Variants in KIF26B observed in about 807,000 individuals in gnomAD.
The protein encoded by KIF26B is kinesin-like protein KIF26B.
KIF26B carries 63 observed loss-of-function variants against 151.2 expected under a neutral mutation model. That is an observed-to-expected ratio of 0.42 (90% CI 0.34 to 0.51). The LOEUF (loss-of-function observed/expected upper bound fraction) is 0.51. KIF26B is among the 20% of genes least tolerant of loss of function. The pLI is 0.07. For synonymous variants in KIF26B, 1,357 were observed against 1,262.1 expected (o/e 1.08, Z -1.59); for missense variants, 2,813 against 2,913.6 (o/e 0.97, Z 0.79).
chr1:245,614,565 T>C (rs1030443921), intron 9 of KIF26B, among the ~76,000 whole-genome samples: 7 of 152,200 alleles, frequency 4.6e-5, no homozygotes, highest in African/African-American at 7.2e-5. Flanking sequence ...GGAGTTCCTC[T>C]AACTGGGGCT....
At chr1:245,541,033 A>C (rs765399323) in intron 5 of KIF26B, 83 bp downstream of exon 5, 13 of 1,112,160 alleles carry the variant, frequency 1.2e-5, no homozygotes, top group Admixed American at 2.7e-5. Context: ...TGAGGCCTCC[A>C]ATGTATTAAA....
chr1:245,577,438 G>T (rs2043129623), intron 5 of KIF26B, among the ~76,000 whole-genome samples: 1 of 152,214 alleles, frequency 6.6e-6, no homozygotes, highest in Non-Finnish European at 1.5e-5. Context: ...AGAGCTCAGA[G>T]AATTAGTCAA....
intron 4 of KIF26B, among the ~76,000 whole-genome samples, chr1:245,492,809 C>T (rs757622348): frequency 5.9e-5 from 9 of 151,892 alleles, no homozygotes; most frequent in Non-Finnish European, 1.0e-4. Context: ...GAGATGGAGT[C>T]TTGCTCTGTC....
chr1:245,391,431 A>G (rs190370049), intron 3 of KIF26B, among the ~76,000 whole-genome samples: 1 of 152,162 alleles, frequency 6.6e-6, no homozygotes, highest in Admixed American at 6.6e-5. Context: ...TTTTCTTTAG[A>G]TATCTCAACG....
rs537808243 is a variant in KIF26B, at chr1:245,530,271, G to C, written c.1167-10496G>C. On this transcript the variant is annotated intron_variant, in intron 4 of 14. Coordinates refer to ENST00000407071, the MANE Select transcript of KIF26B (RefSeq NM_018012.4). ...GTACAACCACTGTAGAGAACAGTTT[G>C]GAGCTTCCTCAAAAAACTAACAATT... Among the ~76,000 whole-genome samples, 19 of 152,278 alleles carry C rather than the reference G, an allele frequency of 1.2e-4. No individual in the cohort carries two copies. The South Asian group carries it at 3.7e-3, about 30-fold the overall frequency.
chr1:245,224,056 G>A lies in KIF26B; in HGVS notation c.465+67373G>A, dbSNP rs371293855. ...TCCCAGCACTTTGGGAGGCTGAGGC[G>A]GGTGGATCACCTGAGGTCGGGAGTT... On this transcript the variant is annotated intron_variant, in intron 2 of 14. Transcript: ENST00000407071. Among the ~76,000 whole-genome samples, 122 of 152,174 alleles carry A rather than the reference G, an allele frequency of 8.0e-4. 2 individuals carry two copies. The East Asian group carries it at 0.017, about 21-fold the overall frequency.
At chr1:245,412,515 C>T (rs594672) in intron 3 of KIF26B, among the ~76,000 whole-genome samples, 77,114 of 152,002 alleles carry the variant, frequency 0.51, 20,030 homozygotes, top group South Asian at 0.64. Context: ...CATGCTGACA[C>T]ACTCTGGTAG....
At position 245,707,582 on chromosome 1, in the gene KIF26B, CTG is replaced by C. The variant is rs2044858573; in HGVS notation, c.*4979_*4980del. ...CGAGGTGGAGATTTGCTGGATCTGT[CTG>C]TGGCTATTTTTTTCCATGTTTTTCT... On this transcript the variant is annotated 3_prime_UTR_variant, in exon 15 of 15. Coordinates refer to ENST00000407071, the MANE Select transcript of KIF26B (RefSeq NM_018012.4). 1 of 152,168 alleles carries C rather than the reference CTG, an allele frequency of 6.6e-6. No homozygotes were observed. Among genetic ancestry groups the C allele is most frequent in the Non-Finnish European group, 1.5e-5 (1 of 68,040 alleles). The allele number at this position is 152,168 out of a possible 1,614,324, so 9.4% of individuals were successfully genotyped here. A position where few individuals can be genotyped will look rare whatever the true frequency, so the allele number is the denominator to read the frequency against.
chr1:245,504,845 G>A (rs1193572859), intron 4 of KIF26B, among the ~76,000 whole-genome samples: 2 of 152,192 alleles, frequency 1.3e-5, no homozygotes, highest in East Asian at 3.8e-4. Context: ...AAAAGAAATG[G>A]TAAAATTTTA....
At chr1:245,409,509 T>C (rs1297799415) in intron 3 of KIF26B, among the ~76,000 whole-genome samples, 1 of 152,130 alleles carries the variant, frequency 6.6e-6, no homozygotes, top group Non-Finnish European at 1.5e-5. Flanking sequence ...GGTAGGGCTA[T>C]AAATTGAGGG....
intron 2 of KIF26B, among the ~76,000 whole-genome samples, chr1:245,284,162 AGTC>A (rs1300784113): frequency 3.9e-5 from 6 of 152,214 alleles, no homozygotes; most frequent in Non-Finnish European, 8.8e-5. Flanking sequence ...TGTATTGCTT[AGTC>A]GTGCTTCCTT....
chr1:245,263,774 G>T (rs755765639), intron 2 of KIF26B, among the ~76,000 whole-genome samples: 3 of 152,228 alleles, frequency 2.0e-5, no homozygotes, highest in Non-Finnish European at 4.4e-5. Context: ...CAGTGTGGCT[G>T]ATTCCAAAAA....
intron 2 of KIF26B, among the ~76,000 whole-genome samples, chr1:245,203,255 A>AACAAAAAAAG (rs529785179): frequency 7.7e-6 from 1 of 129,746 alleles, no homozygotes; most frequent in South Asian, 2.4e-4. Context: ...TCAAAAAAAA[A>AACAAAAAAAG]AAAAGAAAAT....
intron 3 of KIF26B, among the ~76,000 whole-genome samples, chr1:245,413,037 A>G (rs1674324668): frequency 6.6e-6 from 1 of 152,138 alleles, no homozygotes; most frequent in Non-Finnish European, 1.5e-5. Context: ...TAAGGAGTGA[A>G]ATGGTCCCCT....
At chr1:245,496,840 A>T (rs1455930339) in intron 4 of KIF26B, among the ~76,000 whole-genome samples, 3 of 151,762 alleles carry the variant, frequency 2.0e-5, no homozygotes, top group Non-Finnish European at 4.4e-5. Flanking sequence ...GAAGTTGAAG[A>T]TAAAAGAATG....
intron 2 of KIF26B, among the ~76,000 whole-genome samples, chr1:245,221,595 T>G (rs538404384): frequency 6.6e-6 from 1 of 152,264 alleles, no homozygotes; most frequent in African/African-American, 2.4e-5. Flanking sequence ...TTAGTGGAAA[T>G]GGTGTTTCAC....
intron 4 of KIF26B, among the ~76,000 whole-genome samples, chr1:245,537,378 C>T (rs750730213): frequency 5.9e-5 from 9 of 152,140 alleles, no homozygotes; most frequent in Non-Finnish European, 1.2e-4. Flanking sequence ...CTTTATAGGC[C>T]ACTGCAAGTA....
intron 10 of KIF26B, among the ~76,000 whole-genome samples, chr1:245,666,024 C>T (rs1312855281): frequency 2.4e-5 from 2 of 83,532 alleles, no homozygotes; most frequent in Non-Finnish European, 5.0e-5. Context: ...TTTTTTGAGA[C>T]GGAGTCTCTC....
rs576946152 is a variant in KIF26B at position 245,303,410 on chromosome 1, G to A, written c.466-63424G>A. Among the ~76,000 whole-genome samples the A allele has an allele frequency of 8.0e-5, 12 of 150,664 alleles. 1 individual carries two copies. Among genetic ancestry groups the A allele is most frequent in the African/African-American group, 1.2e-4 (5 of 40,266 alleles). On this transcript the variant is annotated intron_variant, in intron 2 of 14. Transcript: ENST00000407071. ...AGACGGGGTTTCACCGTGTTAGCCA[G>A]GATGGTCTCGATCTCCTGACCTCGT...
Sources: allele counts gnomAD v4.1 joint callset (sites outside exome capture counted in the v4.1 genomes callset), GRCh38; gene constraint gnomAD v4.1.1; transcripts MANE v1.5; gene names NCBI Gene and HGNC (gene_info 2026-07-23, HGNC 2026-07-21).